Variants in SHISA9 observed in about 807,000 individuals in gnomAD.
SHISA9 encodes shisa family member 9.
In SHISA9, 13 loss-of-function variants were observed where a neutral mutation model predicts 38.0. The ratio of observed to expected loss-of-function variants is 0.34; its 90% CI spans 0.22 to 0.54. The LOEUF is 0.54. Among genes scored for constraint, SHISA9 ranks in the 20% least tolerant of loss-of-function variants. SHISA9 has a pLI of 0.91. For synonymous variants in SHISA9, 275 were observed against 242.0 expected, an observed-to-expected ratio of 1.14 and a Z score of -1.27; for missense variants, 538 against 575.8, an observed-to-expected ratio of 0.93 and a Z score of 0.67.
chr16:13,274,016 T>C, the SHISA9 span, among the ~76,000 whole-genome samples: 1 of 152,210 alleles, frequency 6.6e-6, no homozygotes, highest in Non-Finnish European at 1.5e-5. Flanking sequence ...ATTCACTGTG[T>C]GACCTTGAAA....
chr16:13,008,604 TTC>T (rs902569396), intron 2 of SHISA9, among the ~76,000 whole-genome samples: 1 of 148,346 alleles, frequency 6.7e-6, no homozygotes, highest in Non-Finnish European at 1.5e-5. Flanking sequence ...TCCCCCTTTT[TTC>T]TCTCTCTCTC....
At chr16:13,440,288 A>T in the SHISA9 span, among the ~76,000 whole-genome samples, 3 of 152,146 alleles carry the variant, frequency 2.0e-5, no homozygotes, top group African/African-American at 7.2e-5. Context: ...TGGAACTCTA[A>T]TCCCGTTAAT....
intron 2 of SHISA9, among the ~76,000 whole-genome samples, chr16:13,074,652 T>C (rs1416458712): frequency 6.6e-6 from 1 of 151,878 alleles, no homozygotes; most frequent in East Asian, 1.9e-4. Flanking sequence ...TTCTTTTCTT[T>C]TCTCTTTTTC....
chr16:13,470,461 C>A, the SHISA9 span, among the ~76,000 whole-genome samples: 2 of 152,180 alleles, frequency 1.3e-5, no homozygotes, highest in South Asian at 4.1e-4. Flanking sequence ...GCCTCAGAAT[C>A]ATGGTGGAAG....
the SHISA9 span, among the ~76,000 whole-genome samples, chr16:13,377,922 A>G: frequency 7.9e-5 from 12 of 152,272 alleles, no homozygotes; most frequent in African/African-American, 1.2e-4. Flanking sequence ...AGTCCCAGCT[A>G]CCTGGGAGGC....
the SHISA9 span, among the ~76,000 whole-genome samples, chr16:13,258,895 C>G: frequency 6.6e-6 from 1 of 152,110 alleles, no homozygotes; most frequent in Admixed American, 6.5e-5. Context: ...GGGACACAGC[C>G]AAACCATATC....
the SHISA9 span, among the ~76,000 whole-genome samples, chr16:13,263,704 C>T: frequency 6.6e-6 from 1 of 152,142 alleles, no homozygotes; most frequent in South Asian, 2.1e-4. Flanking sequence ...ACATATAATT[C>T]CTACATGACT....
chr16:13,438,887 C>T, the SHISA9 span, among the ~76,000 whole-genome samples: 1 of 152,176 alleles, frequency 6.6e-6, no homozygotes. Context: ...CGCTCCATCC[C>T]AGCTGTCTCT....
At chr16:12,990,104 G>A (rs978913437) in intron 2 of SHISA9, among the ~76,000 whole-genome samples, 2 of 152,252 alleles carry the variant, frequency 1.3e-5, no homozygotes, top group African/African-American at 2.4e-5. Context: ...TGCAAAGGAC[G>A]TGATCTCATT....
the SHISA9 span, among the ~76,000 whole-genome samples, chr16:13,549,568 A>C: frequency 6.6e-6 from 1 of 152,202 alleles, no homozygotes; most frequent in African/African-American, 2.4e-5. Flanking sequence ...AAACTCTAAT[A>C]GTAATAATTT....
the SHISA9 span, among the ~76,000 whole-genome samples, chr16:13,548,706 A>G: frequency 3.3e-5 from 5 of 152,320 alleles, no homozygotes; most frequent in African/African-American, 1.2e-4. Context: ...AAGACAAAAA[A>G]TAACAAACAC....
chr16:13,404,672 A>C, the SHISA9 span, among the ~76,000 whole-genome samples: 1 of 152,192 alleles, frequency 6.6e-6, no homozygotes, highest in Admixed American at 6.5e-5. Context: ...TTATATCCTG[A>C]CACAAATAGA....
At chr16:13,313,263 A>AAAAAAAC in the SHISA9 span, among the ~76,000 whole-genome samples, 48 of 42,684 alleles carry the variant, frequency 1.1e-3, no homozygotes, top group African/African-American at 3.4e-3. Context: ...TCAAAAAAAA[A>AAAAAAAC]AAAAAAAAAC....
In SHISA9 at chr16:13,237,282, T is replaced by A. The variant is rs530221970; in HGVS notation, c.*1873T>A. On this transcript the variant is annotated 3_prime_UTR_variant, in exon 5 of 5. Coordinates refer to ENST00000558583, the MANE Select transcript of SHISA9 (RefSeq NM_001145204.3). ...GGACACCAACAATGCAGTTGATCCC[T>A]CTGGGCCTGAGTCTCCCATCTGAAA... The A allele has an allele frequency of 6.6e-6, 1 of 152,312 alleles. No individual in the cohort carries two copies. The highest frequency in any genetic ancestry group is 2.1e-4 in the South Asian group (1 of 4,824). 9.4% of individuals were successfully genotyped at this position (152,312 alleles called of 1,614,324 possible). A position where few individuals can be genotyped will look rare whatever the true frequency, so the allele number is the denominator to read the frequency against.
Position 12,926,762 on chromosome 16 carries a change from A to T in SHISA9, c.691+9947A>T, listed in dbSNP as rs554448882. ...ACAGATATTTTGCTCTGAAAGAAAA[A>T]TACTTCCCATCAACTTGCTACGAAT... is the stretch of plus-strand genomic sequence containing the variant. On this transcript the variant is annotated intron_variant, in intron 2 of 4. Coordinates refer to ENST00000558583, the MANE Select transcript of SHISA9 (RefSeq NM_001145204.3). Among the ~76,000 whole-genome samples the T allele has an allele frequency of 5.9e-5, 9 of 152,342 alleles. No individual in the cohort carries two copies. The South Asian group carries it at 1.9e-3, about 32-fold the overall frequency.
intron 3 of SHISA9, among the ~76,000 whole-genome samples, chr16:13,205,510 T>C (rs1186795447): frequency 1.3e-5 from 2 of 152,254 alleles, no homozygotes; most frequent in East Asian, 3.8e-4. Context: ...ATCCTGGCTC[T>C]ACTGCTTACC....
intron 2 of SHISA9, among the ~76,000 whole-genome samples, chr16:13,174,641 G>T (rs1387268234): frequency 1.3e-5 from 2 of 152,214 alleles, no homozygotes; most frequent in Non-Finnish European, 2.9e-5. Flanking sequence ...CCCAGGAGGG[G>T]TTTGGACTTG....
intron 1 of SHISA9, among the ~76,000 whole-genome samples, chr16:12,915,964 C>A (rs1171911053): frequency 6.9e-6 from 1 of 144,752 alleles, no homozygotes; most frequent in Non-Finnish European, 1.5e-5. Context: ...GCTCTCTGGT[C>A]TGTTCTACGT....
At chr16:13,315,981 G>T in the SHISA9 span, among the ~76,000 whole-genome samples, 1 of 151,514 alleles carries the variant, frequency 6.6e-6, no homozygotes, top group East Asian at 1.9e-4. Context: ...GTAGGTTAGA[G>T]TAAATAACAT....
Sources: gnomAD v4.1 joint callset for allele counts (sites outside exome capture counted in the v4.1 genomes callset) on GRCh38, gnomAD v4.1.1 for gene constraint, MANE v1.5 for transcripts, NCBI Gene and HGNC (gene_info 2026-07-23, HGNC 2026-07-21) for gene names.